SLC39A10: variants seen among roughly 807,000 people sequenced by gnomAD.
SLC39A10 encodes the protein solute carrier family 39 member 10, also known as zinc transporter ZIP10.
Under a neutral mutation model 65.1 loss-of-function variants are expected in SLC39A10, and 13 were observed. That is an observed-to-expected ratio of 0.20 (90% CI 0.13 to 0.32). The LOEUF (loss-of-function observed/expected upper bound fraction) is 0.32, where lower values mean the gene tolerates loss of function less well. SLC39A10 is among the 10% of genes least tolerant of loss of function. SLC39A10 has a pLI of 1.00. For missense variants in SLC39A10, 831 were observed against 1,018.4 expected (o/e 0.82, Z 2.50); for synonymous variants, 321 against 342.2 (o/e 0.94, Z 0.68).
chr2:195,700,903 C>A (rs1260852189), intron 3 of SLC39A10, among the ~76,000 whole-genome samples: 1 of 151,720 alleles, frequency 6.6e-6, no homozygotes, highest in Non-Finnish European at 1.5e-5. Context: ...CTCTTGAGTT[C>A]CTCTTATTGG....
At chr2:195,625,265 C>CTTTTTTTCTT (rs546885111) in intron 2 of SLC39A10, among the ~76,000 whole-genome samples, 2 of 131,320 alleles carry the variant, frequency 1.5e-5, no homozygotes, top group African/African-American at 5.7e-5. Flanking sequence ...CTGTTGACAA[C>CTTTTTTTCTT]TTTTTTTCTT....
chr2:195,678,298 A>G (rs1690171492), intron 1 of SLC39A10, among the ~76,000 whole-genome samples: 1 of 152,094 alleles, frequency 6.6e-6, no homozygotes. Flanking sequence ...AGTATTTTAT[A>G]TTTCAGTTAT....
At chr2:195,646,770 C>A (rs1013329294) in intron 2 of SLC39A10, among the ~76,000 whole-genome samples, 4 of 152,188 alleles carry the variant, frequency 2.6e-5, no homozygotes, top group Non-Finnish European at 1.5e-5. Context: ...GCATTAAATT[C>A]TCATGGGAGC....
At chr2:195,614,757 A>G (rs1688171075) in intron 2 of SLC39A10, among the ~76,000 whole-genome samples, 1 of 131,446 alleles carries the variant, frequency 7.6e-6, no homozygotes, top group African/African-American at 2.7e-5. Context: ...TGCCAGCAAT[A>G]TAAATGAAAA....
At chr2:195,640,882 A>G (rs555934331) in intron 2 of SLC39A10, among the ~76,000 whole-genome samples, 2 of 152,308 alleles carry the variant, frequency 1.3e-5, no homozygotes, top group African/African-American at 4.8e-5. Context: ...GGTTAAGGAT[A>G]AAGAGAAAAT....
intron 2 of SLC39A10, among the ~76,000 whole-genome samples, chr2:195,621,978 A>C (rs1688357898): frequency 6.6e-6 from 1 of 152,248 alleles, no homozygotes; most frequent in Non-Finnish European, 1.5e-5. Context: ...GCCGGGATTT[A>C]GACTGAAATC....
chr2:195,716,514 AT>A, intron 6 of SLC39A10, 122 bp from the exon 7 acceptor site: 1 of 755,808 alleles, frequency 1.3e-6, no homozygotes, highest in Non-Finnish European at 2.0e-6. Context: ...ATTTTAGGAA[AT>A]TATTTAAGAA....
intron 7 of SLC39A10, 95 bp downstream of exon 7, chr2:195,717,100 ATCAC>A (rs1691843379): frequency 4.7e-6 from 7 of 1,476,650 alleles, no homozygotes; most frequent in Non-Finnish European, 6.4e-6. Flanking sequence ...ATGGTTATGT[ATCAC>A]TCTGGTCAGT....
At chr2:195,673,744 C>T (rs1689969655) in intron 1 of SLC39A10, among the ~76,000 whole-genome samples, 1 of 152,156 alleles carries the variant, frequency 6.6e-6, no homozygotes, top group Admixed American at 6.5e-5. Flanking sequence ...ATGCTGCTCT[C>T]ACAACCACAG....
intron 2 of SLC39A10, among the ~76,000 whole-genome samples, chr2:195,627,389 A>T (rs1230840324): frequency 6.6e-6 from 1 of 152,204 alleles, no homozygotes; most frequent in Non-Finnish European, 1.5e-5. Flanking sequence ...ATGCCCATTT[A>T]AATTGTGCCA....
chr2:195,689,885 A>G (rs183537640), intron 3 of SLC39A10, among the ~76,000 whole-genome samples: 16 of 152,254 alleles, frequency 1.1e-4, no homozygotes, highest in African/African-American at 3.1e-4. Context: ...AGCATCAGCA[A>G]TTTCTTCCTG....
At chr2:195,732,521 G>A (rs749517924) in intron 9 of SLC39A10, among the ~76,000 whole-genome samples, 22 of 152,244 alleles carry the variant, frequency 1.4e-4, no homozygotes, top group Non-Finnish European at 2.8e-4. Context: ...AATTAAATGT[G>A]GCAAAGCCAT....
At chr2:195,672,345 G>T (rs940346170) in intron 1 of SLC39A10, among the ~76,000 whole-genome samples, 12 of 151,936 alleles carry the variant, frequency 7.9e-5, no homozygotes, top group Admixed American at 3.3e-4. Flanking sequence ...TGCCTAGGCT[G>T]GCCTCAAACT....
At chr2:195,648,037 G>A (rs1688960816) in intron 2 of SLC39A10, among the ~76,000 whole-genome samples, 1 of 152,134 alleles carries the variant, frequency 6.6e-6, no homozygotes, top group African/African-American at 2.4e-5. Context: ...CTGTCACCCA[G>A]GCTAGAATGC....
At chr2:195,631,800 A>G (rs970094287) in intron 2 of SLC39A10, among the ~76,000 whole-genome samples, 1 of 152,216 alleles carries the variant, frequency 6.6e-6, no homozygotes, top group East Asian at 1.9e-4. Context: ...CACAATTGCT[A>G]TAGCTGCTTC....
intron 3 of SLC39A10, among the ~76,000 whole-genome samples, chr2:195,691,074 C>T (rs1345567598): frequency 6.6e-6 from 1 of 152,146 alleles, no homozygotes; most frequent in African/African-American, 2.4e-5. Context: ...CATAGCTTAG[C>T]TCCCAATTAT....
intron 3 of SLC39A10, among the ~76,000 whole-genome samples, chr2:195,695,290 A>G (rs935953987): frequency 6.6e-6 from 1 of 151,982 alleles, no homozygotes; most frequent in Non-Finnish European, 1.5e-5. Flanking sequence ...GCTGTGGGGG[A>G]TGGGGATGTG....
At chr2:195,727,793 C>T (rs1226278871) in intron 8 of SLC39A10, among the ~76,000 whole-genome samples, 2 of 152,068 alleles carry the variant, frequency 1.3e-5, no homozygotes, top group African/African-American at 4.8e-5. Flanking sequence ...ATCACTGCCA[C>T]CATCAGGATC....
At chr2:195,709,937 A>G (rs970449559) in intron 5 of SLC39A10, among the ~76,000 whole-genome samples, 4 of 152,200 alleles carry the variant, frequency 2.6e-5, no homozygotes, top group Admixed American at 2.6e-4. Flanking sequence ...TTTCACACAA[A>G]AAGTGTTTTC....
Sources: allele counts gnomAD v4.1 joint callset (sites outside exome capture counted in the v4.1 genomes callset), GRCh38; gene constraint gnomAD v4.1.1; transcripts MANE v1.5; gene names NCBI Gene and HGNC (gene_info 2026-07-23, HGNC 2026-07-21).